PRRC2C: variants seen among roughly 807,000 people sequenced by gnomAD.
PRRC2C encodes protein PRRC2C.
Under a neutral mutation model 317.2 loss-of-function variants are expected in PRRC2C, and 72 were observed. The observed-to-expected ratio is 0.23, with a 90% CI of 0.19 to 0.28. The LOEUF is 0.28. Ranked by LOEUF, PRRC2C falls within the 10% of genes least tolerant of loss-of-function variation. The pLI is 1.00. For missense variants in PRRC2C, 3,074 were observed against 3,459.7 expected (o/e 0.89, Z 2.80); for synonymous variants, 1,296 against 1,205.9 (o/e 1.07, Z -1.55).
chr1:171,575,851 T>G (rs999988712), intron 25 of PRRC2C, among the ~76,000 whole-genome samples: 3 of 152,196 alleles, frequency 2.0e-5, no homozygotes, highest in Non-Finnish European at 4.4e-5. Context: ...TTTCTCAGTA[T>G]TATCTGCTTC....
chr1:171,552,051 G>C (rs946103299), intron 18 of PRRC2C, among the ~76,000 whole-genome samples: 1 of 152,186 alleles, frequency 6.6e-6, no homozygotes, highest in African/African-American at 2.4e-5. Context: ...ATTACCTTGG[G>C]CAGTATGGCC....
At chr1:171,554,047 G>A (rs973981217) in intron 18 of PRRC2C, among the ~76,000 whole-genome samples, 5 of 152,162 alleles carry the variant, frequency 3.3e-5, no homozygotes, top group Non-Finnish European at 5.9e-5. Context: ...TCATTGATCT[G>A]TCTAATATTG....
chr1:171,536,115 T>G lies in PRRC2C; in HGVS notation c.2130T>G (p.Thr710=). 2.5e-6 allele frequency: 4 copies of G among 1,572,578 alleles called. No homozygotes were observed. Among genetic ancestry groups the G allele is most frequent in the Non-Finnish European group, 3.5e-6 (4 of 1,157,488 alleles). The stretch of plus-strand genomic sequence containing the variant: ...TTCCTTCACAACCGTCCAGTAGTAC[T>G]GTCCCTCCTCCACCACACAGACCTC... ...QTVPSQPSSS[T]VPPPPHRPLY... Residue 710 remains threonine, a synonymous_variant, in exon 14 of 35, where the codon ACT becomes ACG. Transcript: ENST00000647382.
intron 1 of PRRC2C, among the ~76,000 whole-genome samples, chr1:171,500,751 T>C (rs376326298): frequency 4.6e-5 from 7 of 152,366 alleles, no homozygotes; most frequent in African/African-American, 1.7e-4. Flanking sequence ...TTAGACCTTT[T>C]GGAAACAATC....
At chr1:171,520,910 T>G (rs1673428292) in intron 6 of PRRC2C, among the ~76,000 whole-genome samples, 1 of 151,540 alleles carries the variant, frequency 6.6e-6, no homozygotes, top group Non-Finnish European at 1.5e-5. Context: ...GTTCAAGTGA[T>G]TGTTGTGTCT....
rs1372811837 is a variant in PRRC2C at position 171,591,775 on chromosome 1, C to T, written c.8625C>T (p.Ser2875=). 8 of 1,611,554 alleles carry T rather than the reference C, an allele frequency of 5.0e-6. No individual in the cohort carries two copies. Among genetic ancestry groups the T allele is most frequent in the Non-Finnish European group, 6.8e-6 (8 of 1,178,900 alleles). Residue 2875 remains serine, a synonymous_variant, in exon 35 of 35, where the codon TCC becomes TCT. Coordinates refer to ENST00000647382, the MANE Select transcript of PRRC2C (RefSeq NM_001387844.1). Reference sequence around the variant, plus strand: ...AAGAAAAGCCACCCCCTGCACCCTCCATAGCCACCAAACCTGTTAGAACTG... The same window carrying T: ...AAGAAAAGCCACCCCCTGCACCCTCTATAGCCACCAAACCTGTTAGAACTG... The part of the protein sequence containing the change: ...KVEEKPPPAP[S]IATKPVRTGP...
chr1:171,505,918 A>ATTTCAGC (rs1163289474), intron 1 of PRRC2C, among the ~76,000 whole-genome samples: 4 of 152,222 alleles, frequency 2.6e-5, no homozygotes, highest in African/African-American at 9.6e-5. Flanking sequence ...ATATACAAAT[A>ATTTCAGC]TTTCAGCTTT....
rs76726607 is a variant in PRRC2C, at chr1:171,575,508, A to T, written c.6955+380A>T. Among the ~76,000 whole-genome samples the T allele has an allele frequency of 7.2e-5, 11 of 152,302 alleles. No individual in the cohort carries two copies. In the East Asian group the frequency reaches 1.9e-3, roughly 27 times the overall value. On this transcript the variant is annotated intron_variant, in intron 25 of 34. Transcript: ENST00000647382. ...CGTATTTTCTGGTAAAGACTTAGGG[A>T]TGGAGAATTTTCAGCCTCTGCTATT...
At chr1:171,517,858 G>A (rs371905114) in intron 6 of PRRC2C, 44 bp downstream of exon 6, 10 of 1,553,890 alleles carry the variant, frequency 6.4e-6, no homozygotes, top group Non-Finnish European at 8.8e-6. Context: ...AGTGGTTTTT[G>A]ATCTGGGGTC....
At chr1:171,526,701 A>G (rs1389758697) in intron 10 of PRRC2C, among the ~76,000 whole-genome samples, 1 of 152,146 alleles carries the variant, frequency 6.6e-6, no homozygotes, top group Non-Finnish European at 1.5e-5. Context: ...GTGATTGCAT[A>G]AAAGTAATCT....
intron 1 of PRRC2C, among the ~76,000 whole-genome samples, chr1:171,498,553 C>G (rs182394309): frequency 5.2e-4 from 79 of 152,286 alleles, no homozygotes; most frequent in Admixed American, 1.6e-3. Flanking sequence ...GGCATTCAAA[C>G]CATTTTCTTT....
chr1:171,563,095 A>G (rs1037205501), intron 20 of PRRC2C, among the ~76,000 whole-genome samples: 2 of 152,134 alleles, frequency 1.3e-5, no homozygotes, highest in African/African-American at 4.8e-5. Flanking sequence ...TGATAAGAAC[A>G]TTATTGGTGG....
At chr1:171,588,563 A>C (rs951307978) in intron 33 of PRRC2C, 58 bp downstream of exon 33, 17 of 1,530,216 alleles carry the variant, frequency 1.1e-5, no homozygotes, top group Non-Finnish European at 1.5e-5. Flanking sequence ...TGCTAATCTG[A>C]TAAATTATTA....
chr1:171,589,931 T>C (rs2102902096), intron 34 of PRRC2C, among the ~76,000 whole-genome samples: 1 of 151,924 alleles, frequency 6.6e-6, no homozygotes, highest in African/African-American at 2.4e-5. Flanking sequence ...ACACTTTTTT[T>C]TGGAATAGCA....
intron 1 of PRRC2C, among the ~76,000 whole-genome samples, chr1:171,488,888 A>G (rs572240407): frequency 1.3e-5 from 2 of 152,310 alleles, no homozygotes; most frequent in African/African-American, 4.8e-5. Flanking sequence ...TGGTGCTGCT[A>G]TGTGCTCAAC....
chr1:171,547,275 A>G (rs988133239), intron 17 of PRRC2C, among the ~76,000 whole-genome samples: 1 of 152,144 alleles, frequency 6.6e-6, no homozygotes, highest in Non-Finnish European at 1.5e-5. Flanking sequence ...CTCTAACCTA[A>G]AATGTTAAAA....
At chr1:171,499,649 C>T (rs913724842) in intron 1 of PRRC2C, among the ~76,000 whole-genome samples, 5 of 151,976 alleles carry the variant, frequency 3.3e-5, no homozygotes, top group Non-Finnish European at 5.9e-5. Context: ...ACTAAAAATA[C>T]AAAAATTAGC....
chr1:171,577,626 A>T lies in PRRC2C; in HGVS notation c.7148A>T (p.Gln2383Leu). The part of the protein sequence containing the change: ...QQQNPQVYVS[Q>L]SAAAQIPAFY... ...CAGAATCCGCAAGTTTATGTGTCTC[A>T]GTCTGCAGCAGGTAATGTTTTTAGG... The change falls in exon 26 of 35, where the codon CAG (glutamine) becomes CTG (leucine). Residue 2383 changes from glutamine (Q) to leucine (L), a missense_variant. Around this residue, in one of 11 missense-constraint regions of PRRC2C, gnomAD observed 490 missense variants for 663.1 expected, o/e 0.74. Coordinates refer to ENST00000647382, the MANE Select transcript of PRRC2C (RefSeq NM_001387844.1). The T allele has an allele frequency of 6.2e-7, 1 of 1,611,942 alleles. No homozygotes were observed. The highest frequency in any genetic ancestry group is 1.1e-5 in the South Asian group (1 of 91,032).
chr1:171,580,389 C>G (rs901038681), intron 28 of PRRC2C, among the ~76,000 whole-genome samples: 6 of 152,114 alleles, frequency 3.9e-5, no homozygotes, highest in Non-Finnish European at 7.4e-5. Context: ...GGGTAAATAT[C>G]AAAGCATGGA....
Sources: allele counts gnomAD v4.1 joint callset (sites outside exome capture counted in the v4.1 genomes callset), GRCh38; gene constraint gnomAD v4.1.1; regional missense constraint gnomAD v4.1.1; transcripts MANE v1.5; gene names NCBI Gene and HGNC (gene_info 2026-07-23, HGNC 2026-07-21).